Variants in TNRC6B observed in about 807,000 individuals in gnomAD.
TNRC6B encodes the protein trinucleotide repeat containing adaptor 6B, also known as trinucleotide repeat-containing gene 6B protein.
A neutral mutation model predicts 203.6 loss-of-function variants in TNRC6B; 52 were observed. The observed-to-expected ratio is 0.26, with a 90% CI of 0.20 to 0.32. The LOEUF (loss-of-function observed/expected upper bound fraction) is 0.32, where lower values mean the gene tolerates loss of function less well. Ranked by LOEUF, TNRC6B falls within the 10% of genes least tolerant of loss-of-function variation. TNRC6B has a pLI of 1.00. For missense variants in TNRC6B, 1,923 were observed against 2,286.2 expected (o/e 0.84, Z 3.24); for synonymous variants, 838 against 845.7 (o/e 0.99, Z 0.16).
At chr22:40,165,724 TGGC>T (rs1360064621) in intron 4 of TNRC6B, among the ~76,000 whole-genome samples, 1 of 152,164 alleles carries the variant, frequency 6.6e-6, no homozygotes, top group Admixed American at 6.6e-5. Flanking sequence ...CTTCTTCACT[TGGC>T]GGCAGAAAGG....
intron 3 of TNRC6B, among the ~76,000 whole-genome samples, chr22:40,151,850 GAGAA>G (rs1251597993): frequency 2.1e-5 from 3 of 140,816 alleles, no homozygotes; most frequent in South Asian, 2.4e-4. Context: ...AATGAAGAAA[GAGAA>G]AGAAAAGAAA....
chr22:40,136,779 T>G (rs754710484), intron 3 of TNRC6B, among the ~76,000 whole-genome samples: 2 of 152,152 alleles, frequency 1.3e-5, no homozygotes, highest in Non-Finnish European at 1.5e-5. Context: ...GCTATATATT[T>G]AAGTACCCAC....
chr22:40,211,318 G>A (rs1186632029), intron 1 of TNRC6B, among the ~76,000 whole-genome samples: 1 of 152,022 alleles, frequency 6.6e-6, no homozygotes, highest in African/African-American at 2.4e-5. Flanking sequence ...GGACTCAAGC[G>A]ATTCTCCACC....
chr22:40,122,757 T>C (rs58676470), intron 2 of TNRC6B, among the ~76,000 whole-genome samples: 8,685 of 152,128 alleles, frequency 0.057, 795 homozygotes, highest in African/African-American at 0.19. Context: ...GAATTCAGAG[T>C]AGAGAATGTC....
At chr22:40,126,361 G>A (rs2068493018) in intron 3 of TNRC6B, among the ~76,000 whole-genome samples, 1 of 152,064 alleles carries the variant, frequency 6.6e-6, no homozygotes, top group African/African-American at 2.4e-5. Flanking sequence ...AGTGAGCATA[G>A]TACCCAAGAG....
rs756593749 is a variant in TNRC6B, at chr22:40,315,922, A to G, written c.4904-20A>G. 1 of 1,605,112 alleles carries G rather than the reference A, an allele frequency of 6.2e-7. No homozygotes were observed. The highest frequency in any genetic ancestry group is 8.5e-7 in the Non-Finnish European group (1 of 1,173,990). ...TTTTGTTTTATTTCTCTTCCTAACC[A>G]TTTTTCTGGTTGCTCATAGCCTCTA... is the stretch of plus-strand genomic sequence containing the variant. On this transcript the variant is annotated intron_variant, in intron 20 of 22. Transcript: ENST00000454349.
rs544666938 is a variant in TNRC6B at position 40,285,701 on chromosome 22, A to C, written c.3639A>C (p.Thr1213=). ...NSTAQSRGLH[T]PVQPLNSSPS... is the part of the protein sequence containing the mutation. ...CAGCACAATCGAGAGGTCTGCACAC[A>C]CCCGTGCAGCCACTAAATTCTTCTC... is the stretch of plus-strand genomic sequence containing the variant. Residue 1213 remains threonine, a synonymous_variant, in exon 12 of 23, where the codon ACA becomes ACC. Transcript: ENST00000454349. 2 of 1,613,858 alleles carry C rather than the reference A, an allele frequency of 1.2e-6. No homozygotes were observed. Among genetic ancestry groups the C allele is most frequent in the African/African-American group, 2.7e-5 (2 of 75,024 alleles).
In TNRC6B at chr22:40,331,527, A is replaced by G. The variant is rs1003959530; in HGVS notation, c.*8286A>G. Reference sequence around the variant, plus strand: ...TCGATTCCTTCAGCTTCATTCAGGAAGACACAGGGAGGAGAGATGCTGCTT... The same window carrying G: ...TCGATTCCTTCAGCTTCATTCAGGAGGACACAGGGAGGAGAGATGCTGCTT... On this transcript the variant is annotated 3_prime_UTR_variant, in exon 23 of 23. Transcript: ENST00000454349. 9 of 372,314 alleles carry G rather than the reference A, an allele frequency of 2.4e-5. No individual in the cohort carries two copies. The highest frequency in any genetic ancestry group is 1.4e-4 in the Admixed American group (3 of 21,488). 23.1% of individuals were successfully genotyped at this position (372,314 alleles called of 1,614,324 possible).
chr22:40,178,655 G>A (rs2069096389), intron 1 of TNRC6B, among the ~76,000 whole-genome samples: 1 of 152,096 alleles, frequency 6.6e-6, no homozygotes, highest in South Asian at 2.1e-4. Flanking sequence ...CCTAAAGTAA[G>A]ACCTAATACA....
intron 1 of TNRC6B, among the ~76,000 whole-genome samples, chr22:40,063,838 G>A (rs1416067071): frequency 6.6e-6 from 1 of 152,006 alleles, no homozygotes; most frequent in Non-Finnish European, 1.5e-5. Flanking sequence ...GAGTAACCAG[G>A]ACCAGAGTTG....
At chr22:40,064,979 C>T (rs2067883593) in intron 1 of TNRC6B, among the ~76,000 whole-genome samples, 2 of 151,968 alleles carry the variant, frequency 1.3e-5, no homozygotes, top group African/African-American at 4.8e-5. Context: ...AGGATTTTCA[C>T]ATCTATGTTC....
intron 1 of TNRC6B, among the ~76,000 whole-genome samples, chr22:40,181,030 C>T (rs2069123018): frequency 6.6e-6 from 1 of 152,154 alleles, no homozygotes; most frequent in Non-Finnish European, 1.5e-5. Flanking sequence ...GAAGTGGTAT[C>T]TCAATTTTAA....
chr22:40,232,064 T>C (rs1322858416), intron 1 of TNRC6B, among the ~76,000 whole-genome samples: 1 of 152,170 alleles, frequency 6.6e-6, no homozygotes, highest in Non-Finnish European at 1.5e-5. Flanking sequence ...AGTTTGACAG[T>C]CTGGCACTGA....
At chr22:40,217,334 C>G (rs747033347) in intron 1 of TNRC6B, among the ~76,000 whole-genome samples, 5 of 152,268 alleles carry the variant, frequency 3.3e-5, no homozygotes, top group South Asian at 4.1e-4. Flanking sequence ...CTGAAAGGAA[C>G]CTGACATTGT....
chr22:40,198,128 AGACAAT>A (rs2146402755), intron 1 of TNRC6B, among the ~76,000 whole-genome samples: 1 of 152,274 alleles, frequency 6.6e-6, no homozygotes, highest in South Asian at 2.1e-4. Flanking sequence ...ATTTGTAATT[AGACAAT>A]AATTAAAGGC....
At chr22:40,112,334 A>G (rs1386322813) in intron 1 of TNRC6B, among the ~76,000 whole-genome samples, 1 of 152,198 alleles carries the variant, frequency 6.6e-6, no homozygotes, top group Non-Finnish European at 1.5e-5. Context: ...ACTGAGTTCA[A>G]TCCGTGAAGC....
chr22:40,067,228 ATT>A (rs1166940023), intron 1 of TNRC6B, among the ~76,000 whole-genome samples: 2 of 152,110 alleles, frequency 1.3e-5, no homozygotes, highest in East Asian at 3.8e-4. Context: ...TGTAAAATTG[ATT>A]TTTGTTACCT....
At chr22:40,203,165 T>G (rs2069436107) in intron 1 of TNRC6B, among the ~76,000 whole-genome samples, 1 of 152,126 alleles carries the variant, frequency 6.6e-6, no homozygotes. Context: ...CAAACTTAAC[T>G]GGTAGCTCAA....
chr22:40,208,009 G>C (rs2069505703), intron 1 of TNRC6B, among the ~76,000 whole-genome samples: 5 of 151,698 alleles, frequency 3.3e-5, no homozygotes, highest in Admixed American at 3.3e-4. Context: ...AGCTACTCGG[G>C]AGGCTGAGGC....
Sources: gnomAD v4.1 joint callset for allele counts (sites outside exome capture counted in the v4.1 genomes callset) on GRCh38, gnomAD v4.1.1 for gene constraint, MANE v1.5 for transcripts, NCBI Gene and HGNC (gene_info 2026-07-23, HGNC 2026-07-21) for gene names.